GSK3B: variants seen among roughly 807,000 people sequenced by gnomAD.
GSK3B encodes the protein glycogen synthase kinase 3 beta.
Under a neutral mutation model 56.4 loss-of-function variants are expected in GSK3B, and 15 were observed. The observed-to-expected ratio is 0.27, with a 90% CI of 0.18 to 0.41. GSK3B has a LOEUF of 0.41. Among genes scored for constraint, GSK3B ranks in the 10% least tolerant of loss-of-function variants. GSK3B has a pLI of 1.00. For missense variants in GSK3B, 300 were observed against 513.4 expected (o/e 0.58, Z 4.02); for synonymous variants, 181 against 188.9 (o/e 0.96, Z 0.34).
Position 120,094,331 on chromosome 3 carries a change from C to T in GSK3B, c.-897G>A, listed in dbSNP as rs1576325393. The T allele has an allele frequency of 3.6e-6, 1 of 275,832 alleles. No individual in the cohort carries two copies. The highest frequency in any genetic ancestry group is 6.9e-6 in the Non-Finnish European group (1 of 145,158). The allele number at this position is 275,832 out of a possible 1,614,324, so 17.1% of individuals were successfully genotyped here. ...TTGCCCCAGCCCAGAGCCCTGTCAG[C>T]GGCTGCGGGGCCGGCTCCTCCTCGC... On this transcript the variant is annotated 5_prime_UTR_variant, in exon 1 of 11. Transcript: ENST00000264235.
At chr3:119,983,388 C>G (rs1462494662) in intron 2 of GSK3B, among the ~76,000 whole-genome samples, 1 of 151,888 alleles carries the variant, frequency 6.6e-6, no homozygotes, top group African/African-American at 2.4e-5. Flanking sequence ...GCTAAATGCC[C>G]CAATTAAAAG....
At chr3:119,948,010 A>C (rs2057117153) in intron 2 of GSK3B, among the ~76,000 whole-genome samples, 1 of 152,224 alleles carries the variant, frequency 6.6e-6, no homozygotes, top group Non-Finnish European at 1.5e-5. Flanking sequence ...AAATAATATG[A>C]TGATTTCTTA....
chr3:119,857,008 G>A (rs556073598), intron 9 of GSK3B, among the ~76,000 whole-genome samples: 9 of 152,104 alleles, frequency 5.9e-5, no homozygotes, highest in African/African-American at 2.2e-4. Context: ...CTACACTATC[G>A]TCTATTAAGT....
intron 7 of GSK3B, among the ~76,000 whole-genome samples, chr3:119,890,364 G>A (rs924248516): frequency 2.0e-5 from 3 of 151,930 alleles, no homozygotes; most frequent in African/African-American, 7.2e-5. Flanking sequence ...ACATGGTACT[G>A]AGCAAAAAAA....
chr3:119,845,258 A>C (rs2055839407), intron 9 of GSK3B, among the ~76,000 whole-genome samples: 1 of 152,248 alleles, frequency 6.6e-6, no homozygotes, highest in African/African-American at 2.4e-5. Flanking sequence ...AACCAGCACA[A>C]AACAAGGGTG....
At chr3:120,087,488 C>T (rs111232193) in intron 1 of GSK3B, among the ~76,000 whole-genome samples, 13 of 151,674 alleles carry the variant, frequency 8.6e-5, no homozygotes, top group Admixed American at 7.9e-4. Flanking sequence ...GCCCAGATCA[C>T]GCCATGGCAC....
At chr3:119,856,091 TTTTC>T (rs1386587139) in intron 9 of GSK3B, among the ~76,000 whole-genome samples, 2 of 152,210 alleles carry the variant, frequency 1.3e-5, no homozygotes, top group African/African-American at 4.8e-5. Flanking sequence ...CTTTGTCATT[TTTTC>T]TTTATCTTTC....
chr3:119,839,776 T>TA (rs1475072660), intron 10 of GSK3B, among the ~76,000 whole-genome samples: 1 of 152,246 alleles, frequency 6.6e-6, no homozygotes, highest in Non-Finnish European at 1.5e-5. Flanking sequence ...ACCTCTAAGA[T>TA]ACGAATCATT....
chr3:119,940,144 T>A lies in GSK3B; in HGVS notation c.366+7124A>T, dbSNP rs577761723. Among the ~76,000 whole-genome samples the A allele has an allele frequency of 6.0e-5, 9 of 150,984 alleles. No individual in the cohort carries two copies. In the East Asian group the frequency reaches 1.7e-3, roughly 29 times the overall value. On this transcript the variant is annotated intron_variant, in intron 3 of 10. Coordinates refer to ENST00000264235, the MANE Select transcript of GSK3B (RefSeq NM_001146156.2). ...TGTGTGTGTGTGTGTATACACATGG[T>A]GTATATAACACAAGTATATATATAA...
chr3:120,051,788 G>C (rs2058152613), intron 1 of GSK3B, among the ~76,000 whole-genome samples: 1 of 150,722 alleles, frequency 6.6e-6, no homozygotes, highest in Non-Finnish European at 1.5e-5. Context: ...AAAAAGATAT[G>C]AGTAATTTGG....
At chr3:119,975,537 T>C (rs559403111) in intron 2 of GSK3B, among the ~76,000 whole-genome samples, 12 of 152,304 alleles carry the variant, frequency 7.9e-5, no homozygotes, top group Admixed American at 2.0e-4. Flanking sequence ...GAAAAGGCTA[T>C]ATACTGTATG....
intron 7 of GSK3B, among the ~76,000 whole-genome samples, chr3:119,881,382 A>T (rs1346445832): frequency 1.3e-5 from 2 of 152,230 alleles, no homozygotes; most frequent in African/African-American, 4.8e-5. Context: ...GGATGGGGCA[A>T]AAGTAATTCT....
rs140028099 is a variant in GSK3B at position 119,930,124 on chromosome 3, CGT to C, written c.367-6643_367-6642del. On this transcript the variant is annotated intron_variant, in intron 3 of 10. Transcript: ENST00000264235. ...ACACACACACACACACACACACACA[CGT>C]GCGCATGCACACACACATTTATTTA... Among the ~76,000 whole-genome samples, 74 of 140,260 alleles carry C rather than the reference CGT, an allele frequency of 5.3e-4. 2 individuals carry two copies. The highest frequency in any genetic ancestry group is 6.7e-4 in the Admixed American group (9 of 13,462). 92.0% of individuals were successfully genotyped at this position (140,260 alleles called of 152,430 possible). A position where few individuals can be genotyped will look rare whatever the true frequency, so the allele number is the denominator to read the frequency against.
At chr3:119,863,282 A>ATTC (rs2056131833) in intron 9 of GSK3B, 137 bp downstream of exon 9, 2 of 694,594 alleles carry the variant, frequency 2.9e-6, no homozygotes, top group Admixed American at 4.8e-5. Context: ...TAAGTTAGAA[A>ATTC]GGATGCTCTT....
intron 7 of GSK3B, among the ~76,000 whole-genome samples, chr3:119,877,327 G>A (rs979131881): frequency 9.2e-5 from 14 of 152,010 alleles, no homozygotes; most frequent in African/African-American, 3.1e-4. Context: ...AGAGATGTTC[G>A]AGTCCCTTAT....
chr3:119,836,304 C>T (rs1245079613), intron 10 of GSK3B, among the ~76,000 whole-genome samples: 1 of 152,106 alleles, frequency 6.6e-6, no homozygotes, highest in South Asian at 2.1e-4. Context: ...AAGATGAAGA[C>T]AAGTTAAGCC....
chr3:120,051,766 C>CA (rs145027294), intron 1 of GSK3B, among the ~76,000 whole-genome samples: 19,827 of 100,484 alleles, frequency 0.2, 1,574 homozygotes, highest in East Asian at 0.41. Context: ...GACTCTATCT[C>CA]AAAAAAAAAA....
intron 8 of GSK3B, among the ~76,000 whole-genome samples, chr3:119,872,145 A>G (rs1436891710): frequency 6.6e-6 from 1 of 152,160 alleles, no homozygotes; most frequent in Non-Finnish European, 1.5e-5. Flanking sequence ...CCCTAACTAG[A>G]CACTAAACTT....
intron 2 of GSK3B, among the ~76,000 whole-genome samples, chr3:119,961,894 G>A (rs528958481): frequency 3.3e-5 from 5 of 152,242 alleles, no homozygotes; most frequent in South Asian, 2.1e-4. Context: ...TAGGCTATGC[G>A]ATACATGACT....
Sources: allele counts gnomAD v4.1 joint callset (sites outside exome capture counted in the v4.1 genomes callset), GRCh38; gene constraint gnomAD v4.1.1; transcripts MANE v1.5; gene names NCBI Gene and HGNC (gene_info 2026-07-23, HGNC 2026-07-21).